The following UBE2V2 variants were observed in gnomAD, a reference collection of about 807,000 sequenced individuals.
The protein encoded by UBE2V2 is ubiquitin-conjugating enzyme E2 variant 2.
A neutral mutation model predicts 17.2 loss-of-function variants in UBE2V2; 9 were observed. The ratio of observed to expected loss-of-function variants is 0.52; its 90% CI spans 0.32 to 0.91. The LOEUF is 0.91. UBE2V2 is among the 40% of genes least tolerant of loss of function. The pLI is 0.04. For synonymous variants in UBE2V2, 61 were observed against 57.5 expected (o/e 1.06, Z -0.28); for missense variants, 133 against 182.6 (o/e 0.73, Z 1.56).
intron 1 of UBE2V2, among the ~76,000 whole-genome samples, chr8:48,041,492 T>C (rs2091464346): frequency 6.6e-6 from 1 of 152,108 alleles, no homozygotes; most frequent in Non-Finnish European, 1.5e-5. Context: ...GAACATTAAA[T>C]GTCTTTCCTA....
At chr8:48,025,991 T>A (rs2091342770) in intron 1 of UBE2V2, among the ~76,000 whole-genome samples, 1 of 152,206 alleles carries the variant, frequency 6.6e-6, no homozygotes, top group Non-Finnish European at 1.5e-5. Flanking sequence ...CGTATCTCTG[T>A]ATCAGAGGTA....
intron 1 of UBE2V2, among the ~76,000 whole-genome samples, chr8:48,031,345 T>C (rs752105492): frequency 1.3e-5 from 2 of 152,226 alleles, no homozygotes; most frequent in African/African-American, 2.4e-5. Context: ...AATATTTTAG[T>C]TCATATATAT....
chr8:48,010,395 A>G (rs1180275958), intron 1 of UBE2V2, among the ~76,000 whole-genome samples: 1 of 138,224 alleles, frequency 7.2e-6, no homozygotes, highest in East Asian at 2.1e-4. Flanking sequence ...GTTCCCATCT[A>G]CTAGTTTTTT....
intron 1 of UBE2V2, among the ~76,000 whole-genome samples, chr8:48,012,506 G>T (rs1038911403): frequency 1.3e-5 from 2 of 152,102 alleles, no homozygotes; most frequent in African/African-American, 2.4e-5. Flanking sequence ...ATTACCTGAG[G>T]TCGGGAGGTT....
chr8:48,038,827 G>A (rs1366320404), intron 1 of UBE2V2, among the ~76,000 whole-genome samples: 1 of 151,818 alleles, frequency 6.6e-6, no homozygotes, highest in African/African-American at 2.4e-5. Context: ...GTTTCACTGT[G>A]TTGACCAGGC....
chr8:48,060,982 C>T lies in UBE2V2; in HGVS notation c.*154C>T, dbSNP rs1340223576. 2.9e-6 allele frequency: 2 copies of T among 689,374 alleles called. No homozygotes were observed. Among genetic ancestry groups the T allele is most frequent in the African/African-American group, 1.9e-5 (1 of 53,560 alleles). The allele number at this position is 689,374 out of a possible 1,614,324, so 42.7% of individuals were successfully genotyped here. ...TGTAAGAATATATTTAATATATGTACACCCATTATGTTTTCAGGTAACAGG... is the reference window on the plus strand; with the variant it reads ...TGTAAGAATATATTTAATATATGTATACCCATTATGTTTTCAGGTAACAGG... On this transcript the variant is annotated 3_prime_UTR_variant, in exon 4 of 4. Coordinates refer to ENST00000523111, the MANE Select transcript of UBE2V2 (RefSeq NM_003350.3).
chr8:48,057,053 G>A (rs1299604013), intron 3 of UBE2V2, among the ~76,000 whole-genome samples: 1 of 151,974 alleles, frequency 6.6e-6, no homozygotes, highest in African/African-American at 2.4e-5. Flanking sequence ...TCATAACTTT[G>A]TTCTTCTTTT....
In UBE2V2 at chr8:48,062,192, A is replaced by T. The variant is rs1270287770; in HGVS notation, c.*1364A>T. 5.3e-5 allele frequency: 8 copies of T among 152,218 alleles called. No individual in the cohort carries two copies. Among genetic ancestry groups the T allele is most frequent in the Admixed American group, 6.5e-5 (1 of 15,276 alleles). The allele number at this position is 152,218 out of a possible 1,614,324, so 9.4% of individuals were successfully genotyped here. A position where few individuals can be genotyped will look rare whatever the true frequency, so the allele number is the denominator to read the frequency against. On this transcript the variant is annotated 3_prime_UTR_variant, in exon 4 of 4. Coordinates refer to ENST00000523111, the MANE Select transcript of UBE2V2 (RefSeq NM_003350.3). The stretch of plus-strand genomic sequence containing the variant: ...AGAATATAGAAAGGTGGTCAGGTAA[A>T]GTCTACTTTTATTTTGTCAAGCTTA...
rs1168390142 is a variant in UBE2V2, at chr8:48,062,844, TACAC to T, written c.*2018_*2021del. On this transcript the variant is annotated 3_prime_UTR_variant, in exon 4 of 4. Transcript: ENST00000523111. ...GCTTTAAGATGACACATAGAGAACATACACATACATACAAATTAGTGCATTTGTA... is the reference window on the plus strand; with the variant it reads ...GCTTTAAGATGACACATAGAGAACATATACATACAAATTAGTGCATTTGTA... 2.6e-5 allele frequency: 4 copies of T among 152,258 alleles called. No individual in the cohort carries two copies. The highest frequency in any genetic ancestry group is 4.4e-5 in the Non-Finnish European group (3 of 68,030). 9.4% of individuals were successfully genotyped at this position (152,258 alleles called of 1,614,324 possible). A position where few individuals can be genotyped will look rare whatever the true frequency, so the allele number is the denominator to read the frequency against.
chr8:48,036,422 A>G (rs1382994975), intron 1 of UBE2V2, among the ~76,000 whole-genome samples: 1 of 151,386 alleles, frequency 6.6e-6, no homozygotes, highest in Non-Finnish European at 1.5e-5. Flanking sequence ...GAGTATAATG[A>G]TTCTTGACTC....
intron 1 of UBE2V2, among the ~76,000 whole-genome samples, chr8:48,041,441 C>T (rs559583488): frequency 6.6e-6 from 1 of 152,180 alleles, no homozygotes; most frequent in East Asian, 1.9e-4. Flanking sequence ...CAGAGCGAGA[C>T]TCTGTCTCAC....
intron 2 of UBE2V2, among the ~76,000 whole-genome samples, chr8:48,046,050 G>C (rs915217751): frequency 6.6e-6 from 1 of 152,070 alleles, no homozygotes; most frequent in African/African-American, 2.4e-5. Context: ...AGGTTCAAGC[G>C]GTTTTCCTGC....
chr8:48,046,409 C>T (rs1011489619), intron 2 of UBE2V2, among the ~76,000 whole-genome samples: 2 of 151,818 alleles, frequency 1.3e-5, no homozygotes, highest in South Asian at 4.2e-4. Flanking sequence ...TGAGCCACCG[C>T]GTCTGGCCTA....
chr8:48,006,169 C>T (rs2091181755), upstream of UBE2V2, among the ~76,000 whole-genome samples: 1 of 152,132 alleles, frequency 6.6e-6, no homozygotes, highest in Non-Finnish European at 1.5e-5. Context: ...AGTCTTTAAT[C>T]CATCTTGAGT....
At chr8:48,030,368 G>A (rs781734267) in intron 1 of UBE2V2, among the ~76,000 whole-genome samples, 9 of 152,088 alleles carry the variant, frequency 5.9e-5, no homozygotes, top group African/African-American at 1.7e-4. Flanking sequence ...ATTTTCTATG[G>A]TACAGTTTCT....
chr8:48,058,366 G>A (rs1223199114), intron 3 of UBE2V2, among the ~76,000 whole-genome samples: 1 of 151,870 alleles, frequency 6.6e-6, no homozygotes, highest in Non-Finnish European at 1.5e-5. Context: ...TACTTGGGAG[G>A]CTGAGGCAGG....
At chr8:48,008,679 C>G (rs1054251688) in intron 1 of UBE2V2, 80 of 487,074 alleles carry the variant, frequency 1.6e-4, no homozygotes, top group Non-Finnish European at 2.3e-4. Context: ...GCTCGCGCGT[C>G]GGCCGCGCGC....
Position 48,062,848 on chromosome 8 carries a change from C to T in UBE2V2, c.*2020C>T, listed in dbSNP as rs1001507782. On this transcript the variant is annotated 3_prime_UTR_variant, in exon 4 of 4. Coordinates refer to ENST00000523111, the MANE Select transcript of UBE2V2 (RefSeq NM_003350.3). ...TAAGATGACACATAGAGAACATACA[C>T]ATACATACAAATTAGTGCATTTGTA... is the stretch of plus-strand genomic sequence containing the variant. The T allele has an allele frequency of 6.6e-6, 1 of 152,108 alleles. No individual in the cohort carries two copies. The highest frequency in any genetic ancestry group is 2.4e-5 in the African/African-American group (1 of 41,430). 9.4% of individuals were successfully genotyped at this position (152,108 alleles called of 1,614,324 possible).
upstream of UBE2V2, among the ~76,000 whole-genome samples, chr8:48,003,506 C>T (rs1414489976): frequency 1.3e-5 from 2 of 152,046 alleles, no homozygotes; most frequent in African/African-American, 4.8e-5. Flanking sequence ...TCCCAGGGCG[C>T]ATAATGGGTT....
Sources: allele counts gnomAD v4.1 joint callset (sites outside exome capture counted in the v4.1 genomes callset), GRCh38; gene constraint gnomAD v4.1.1; transcripts MANE v1.5; gene names NCBI Gene and HGNC (gene_info 2026-07-23, HGNC 2026-07-21).